ZNF536: variants seen among roughly 807,000 people sequenced by gnomAD.
The protein encoded by ZNF536 is zinc finger protein 536.
A neutral mutation model predicts 84.5 loss-of-function variants in ZNF536; 13 were observed. The observed-to-expected ratio is 0.15, with a 90% CI of 0.10 to 0.24. The LOEUF is 0.24. Among genes scored for constraint, ZNF536 ranks in the 10% least tolerant of loss-of-function variants. The pLI, the probability that ZNF536 is intolerant of heterozygous loss-of-function variation, is 1.00. For missense variants in ZNF536, 1,536 were observed against 1,747.5 expected (o/e 0.88, Z 2.16); for synonymous variants, 811 against 742.5 (o/e 1.09, Z -1.50).
At chr19:30,311,225 C>A (rs935332259) in intron 2 of ZNF536, among the ~76,000 whole-genome samples, 1 of 152,150 alleles carries the variant, frequency 6.6e-6, no homozygotes, top group African/African-American at 2.4e-5. Context: ...AGATCAGGAG[C>A]CCATCTGTCC....
At chr19:30,254,062 T>G (rs1743719471) in intron 1 of ZNF536, among the ~76,000 whole-genome samples, 2 of 152,144 alleles carry the variant, frequency 1.3e-5, no homozygotes, top group Admixed American at 1.3e-4. Flanking sequence ...TATTGCTGTA[T>G]GACGATTAGC....
At chr19:30,402,290 A>G (rs1280289047) in intron 1 of ZNF536, among the ~76,000 whole-genome samples, 1 of 152,156 alleles carries the variant, frequency 6.6e-6, no homozygotes, top group East Asian at 1.9e-4. Context: ...ACTTTGTTCA[A>G]TCTGTTATGC....
intron 2 of ZNF536, among the ~76,000 whole-genome samples, chr19:30,472,070 G>A (rs1376982474): frequency 6.6e-6 from 1 of 152,208 alleles, no homozygotes; most frequent in Admixed American, 6.5e-5. Flanking sequence ...GCGCTACCTG[G>A]TCTCAGGTGC....
At chr19:30,693,783 A>G (rs1192183261) in intron 1 of ZNF536, among the ~76,000 whole-genome samples, 1 of 152,194 alleles carries the variant, frequency 6.6e-6, no homozygotes, top group East Asian at 1.9e-4. Flanking sequence ...AGCTATTTTA[A>G]ATATATCCAG....
intron 1 of ZNF536, among the ~76,000 whole-genome samples, chr19:30,597,183 C>T (rs4805586): frequency 3.2e-4 from 49 of 152,332 alleles, no homozygotes; most frequent in Middle Eastern, 6.8e-3. Flanking sequence ...CAGGTTCCCC[C>T]AACTTCTGTG....
rs561472350 is a variant in ZNF536 at position 30,549,470 on chromosome 19, G to A, written c.3851G>A (p.Ser1284Asn). 1 of 1,519,746 alleles carries A rather than the reference G, an allele frequency of 6.6e-7. No individual in the cohort carries two copies. The highest frequency in any genetic ancestry group is 2.3e-5 in the East Asian group (1 of 43,992). 94.1% of individuals were successfully genotyped at this position (1,519,746 alleles called of 1,614,324 possible). A position where few individuals can be genotyped will look rare whatever the true frequency, so the allele number is the denominator to read the frequency against. Reference protein sequence around the residue: ...DGLAAFNGLASSTANSGCIKR... With the variant: ...DGLAAFNGLANSTANSGCIKR... The stretch of plus-strand genomic sequence containing the variant: ...TTAGCAGCCTTTAACGGACTTGCAA[G>A]TAGCACAGCAAATTCTGGATGTATC... Residue 1284 changes from serine (S) to asparagine (N), a missense_variant, in exon 4 of 5, where the codon AGT becomes AAT. By Grantham distance (46) the Ser-to-Asn change is conservative (BLOSUM62 1). Around this residue, in one of 8 missense-constraint regions of ZNF536, gnomAD observed 624 missense variants for 603.1 expected, o/e 1.03. Transcript: ENST00000355537.
chr19:30,230,502 C>T lies in ZNF536; in HGVS notation c.-190+1829C>T, dbSNP rs75053785. ...GCAACTCAGCAACTTAACTGCTGGC[C>T]GGGCTGTCTTCACGGAAGACTTAGG... On this transcript the variant is annotated intron_variant, in intron 1 of 5. Transcript: ENST00000585628. 4.5e-3 allele frequency among the ~76,000 whole-genome samples: 691 copies of T among 152,274 alleles called. 3 individuals are homozygous for T. Among genetic ancestry groups the T allele is most frequent in the Non-Finnish European group, 7.4e-3 (506 of 68,010 alleles).
At chr19:30,631,204 TG>T (rs897456761) in intron 1 of ZNF536, among the ~76,000 whole-genome samples, 12 of 152,146 alleles carry the variant, frequency 7.9e-5, no homozygotes, top group African/African-American at 2.9e-4. Context: ...AAGCATCTGG[TG>T]ATCAGGTGCA....
chr19:30,434,293 A>C (rs1269423850), intron 1 of ZNF536, among the ~76,000 whole-genome samples: 1 of 152,222 alleles, frequency 6.6e-6, no homozygotes, highest in Non-Finnish European at 1.5e-5. Flanking sequence ...AGTGAGTAAC[A>C]GACCTGCTAC....
At chr19:30,317,941 A>C (rs917587837) in intron 2 of ZNF536, among the ~76,000 whole-genome samples, 7 of 152,220 alleles carry the variant, frequency 4.6e-5, no homozygotes, top group Admixed American at 4.6e-4. Context: ...GCTTTCTAGA[A>C]GCAATGTTAC....
chr19:30,343,244 A>G (rs1000422481), intron 2 of ZNF536, among the ~76,000 whole-genome samples: 3 of 152,186 alleles, frequency 2.0e-5, no homozygotes, highest in African/African-American at 7.2e-5. Context: ...GATTATAAAC[A>G]GTGTCGGCTT....
intron 2 of ZNF536, among the ~76,000 whole-genome samples, chr19:30,332,359 C>T (rs754712808): frequency 4.7e-4 from 72 of 152,288 alleles, no homozygotes; most frequent in Non-Finnish European, 8.7e-4. Context: ...GCCTTTGTCT[C>T]CTTCTTGGAG....
intron 2 of ZNF536, among the ~76,000 whole-genome samples, chr19:30,296,830 A>G (rs1055579673): frequency 6.6e-6 from 1 of 152,170 alleles, no homozygotes; most frequent in Non-Finnish European, 1.5e-5. Flanking sequence ...TCTGGTGGCC[A>G]GGGGATGGCA....
At chr19:30,710,987 G>A (rs1271407773) in exon 2 of ZNF536, 3 of 152,262 alleles carry the variant, frequency 2.0e-5, no homozygotes, top group Non-Finnish European at 4.4e-5. Context: ...CAAGGGCCAG[G>A]AGGAGACCAA....
intron 2 of ZNF536, among the ~76,000 whole-genome samples, chr19:30,328,919 A>G (rs1038594898): frequency 1.3e-5 from 2 of 151,332 alleles, no homozygotes; most frequent in African/African-American, 4.9e-5. Flanking sequence ...TCACTTTTCT[A>G]CTCCTCCCTT....
chr19:30,689,334 A>T (rs1237148628), intron 1 of ZNF536, among the ~76,000 whole-genome samples: 2 of 152,252 alleles, frequency 1.3e-5, no homozygotes, highest in Admixed American at 1.3e-4. Flanking sequence ...TGTGTACAAT[A>T]CCTGATCACA....
intron 2 of ZNF536, among the ~76,000 whole-genome samples, chr19:30,324,746 G>T (rs2146295057): frequency 6.6e-6 from 1 of 152,244 alleles, no homozygotes; most frequent in African/African-American, 2.4e-5. Flanking sequence ...AATGATACAA[G>T]GTGGCCATTT....
intron 1 of ZNF536, among the ~76,000 whole-genome samples, chr19:30,405,716 C>A (rs2050236009): frequency 6.6e-6 from 1 of 152,112 alleles, no homozygotes; most frequent in African/African-American, 2.4e-5. Flanking sequence ...TTGCATCCTG[C>A]CTACTGGAAA....
Position 30,243,783 on chromosome 19 carries a change from C to T in ZNF536, c.-190+15110C>T, listed in dbSNP as rs1359665701. On this transcript the variant is annotated intron_variant, in intron 1 of 5. Transcript: ENST00000585628. ...AAATAGTAGTTTTAACATCTACTCT[C>T]ATTCCAATGCATTTAATGCTTTGCA... 3.9e-5 allele frequency among the ~76,000 whole-genome samples: 6 copies of T among 152,346 alleles called. No homozygotes were observed. In the East Asian group the frequency reaches 1.2e-3, roughly 29 times the overall value.
Sources: allele counts gnomAD v4.1 joint callset (sites outside exome capture counted in the v4.1 genomes callset), GRCh38; gene constraint gnomAD v4.1.1; regional missense constraint gnomAD v4.1.1; transcripts MANE v1.5; gene names NCBI Gene and HGNC (gene_info 2026-07-23, HGNC 2026-07-21).